The following USP15 variants were observed in gnomAD, a reference collection of about 807,000 sequenced individuals.
USP15 encodes the protein ubiquitin carboxyl-terminal hydrolase 15.
Under a neutral mutation model 127.1 loss-of-function variants are expected in USP15, and 18 were observed. That is an observed-to-expected ratio of 0.14 (90% CI 0.10 to 0.21). USP15 has a LOEUF of 0.21. Among genes scored for constraint, USP15 ranks in the 10% least tolerant of loss-of-function variants. The pLI, the probability that USP15 is intolerant of heterozygous loss-of-function variation, is 1.00. For missense variants in USP15, 805 were observed against 1,159.9 expected, an observed-to-expected ratio of 0.69 and a Z score of 4.44; for synonymous variants, 364 against 393.7, an observed-to-expected ratio of 0.92 and a Z score of 0.89.
rs1483643723 is a variant in USP15, at chr12:62,389,966, A to G, written c.1822A>G (p.Asn608Asp). 1 of 1,610,068 alleles carries G rather than the reference A, an allele frequency of 6.2e-7. No individual in the cohort carries two copies. The highest frequency in any genetic ancestry group is 1.7e-5 in the Admixed American group (1 of 59,342). ...PRNNTEDKLY[N>D]LLLLRMCRYV... Reference sequence around the variant, plus strand: ...AAACAATACTGAAGACAAACTTTATAATCTCCTGCTCTTGAGAATGTGGTA... The same window carrying G: ...AAACAATACTGAAGACAAACTTTATGATCTCCTGCTCTTGAGAATGTGGTA... The change falls in exon 14 of 22, where the codon AAT (asparagine) becomes GAT (aspartate). Residue 608 changes from asparagine to aspartate, a missense_variant. Coordinates refer to ENST00000280377, the MANE Select transcript of USP15 (RefSeq NM_001252078.2).
At chr12:62,369,518 G>A (rs576505965) in intron 8 of USP15, among the ~76,000 whole-genome samples, 3 of 150,668 alleles carry the variant, frequency 2.0e-5, no homozygotes, top group East Asian at 2.0e-4. Flanking sequence ...GCCAGCTGTC[G>A]ATGCTTTTTC....
chr12:62,314,947 C>A, intron 4 of USP15, 31 bp downstream of exon 4: 1 of 1,516,786 alleles, frequency 6.6e-7, no homozygotes, highest in Non-Finnish European at 8.8e-7. Context: ...GTTTTTAATC[C>A]ATTGCTATTA....
intron 6 of USP15, among the ~76,000 whole-genome samples, chr12:62,342,645 A>G (rs554334085): frequency 6.6e-6 from 1 of 151,980 alleles, no homozygotes; most frequent in South Asian, 2.1e-4. Context: ...TTTTCTTCTA[A>G]CAGTCGGGCC....
At chr12:62,274,143 G>C (rs924689325) in intron 1 of USP15, 2 of 151,990 alleles carry the variant, frequency 1.3e-5, no homozygotes, top group African/African-American at 4.8e-5. Flanking sequence ...TACCCACCGA[G>C]TAGTGTTACA....
At position 62,286,319 on chromosome 12, in the gene USP15, C is replaced by G. The variant is rs371858516; in HGVS notation, c.90-7860C>G. On this transcript the variant is annotated intron_variant, in intron 1 of 21. Transcript: ENST00000280377. The stretch of plus-strand genomic sequence containing the variant: ...ATAATCAGAGAAATACAAATCAAAA[C>G]CACAGTAAGATACCATCTCACACCA... Among the ~76,000 whole-genome samples the G allele has an allele frequency of 2.6e-5, 4 of 151,984 alleles. No homozygotes were observed. In the East Asian group the frequency reaches 7.7e-4, roughly 29 times the overall value.
intron 2 of USP15, among the ~76,000 whole-genome samples, chr12:62,297,329 T>C (rs2064160610): frequency 6.6e-6 from 1 of 152,126 alleles, no homozygotes; most frequent in Admixed American, 6.5e-5. Context: ...TTCCAGTCTT[T>C]CAGGGTACTG....
intron 6 of USP15, 93 bp from the exon 7 acceptor site, chr12:62,349,128 T>A (rs1470973304): frequency 1.4e-6 from 1 of 723,708 alleles, no homozygotes; most frequent in African/African-American, 1.8e-5. Context: ...AGCATTCATT[T>A]ACTACAAACA....
At chr12:62,326,588 C>T (rs1165703880) in intron 6 of USP15, among the ~76,000 whole-genome samples, 2 of 152,024 alleles carry the variant, frequency 1.3e-5, no homozygotes, top group Non-Finnish European at 2.9e-5. Context: ...ATTTTTTCAG[C>T]AAATATTCAC....
chr12:62,291,456 T>C (rs1307360090), intron 1 of USP15, among the ~76,000 whole-genome samples: 3 of 152,218 alleles, frequency 2.0e-5, no homozygotes, highest in Non-Finnish European at 4.4e-5. Context: ...TTTCACATTT[T>C]CCATGAATCT....
chr12:62,344,768 C>T (rs1231285407), intron 6 of USP15, among the ~76,000 whole-genome samples: 1 of 152,208 alleles, frequency 6.6e-6, no homozygotes, highest in Non-Finnish European at 1.5e-5. Context: ...CAATTCTTGA[C>T]TTCTGTACAC....
At chr12:62,275,661 G>T (rs1355901710) in intron 1 of USP15, among the ~76,000 whole-genome samples, 10 of 152,078 alleles carry the variant, frequency 6.6e-5, no homozygotes, top group Admixed American at 6.6e-4. Context: ...CTTAATCCCT[G>T]TTGAAATGCT....
chr12:62,378,075 T>G (rs1234589631), intron 8 of USP15, among the ~76,000 whole-genome samples: 1 of 151,762 alleles, frequency 6.6e-6, no homozygotes, highest in Non-Finnish European at 1.5e-5. Context: ...GGTGCGGTGG[T>G]GGGCGCCTAT....
At chr12:62,309,596 A>G (rs1234671943) in intron 3 of USP15, among the ~76,000 whole-genome samples, 1 of 152,052 alleles carries the variant, frequency 6.6e-6, no homozygotes, top group Non-Finnish European at 1.5e-5. Context: ...CCTGAAGGAC[A>G]TTACAAGAAA....
intron 8 of USP15, among the ~76,000 whole-genome samples, chr12:62,377,130 TA>T (rs1565898198): frequency 6.6e-6 from 1 of 152,168 alleles, no homozygotes; most frequent in Non-Finnish European, 1.5e-5. Context: ...ATTCAATGTA[TA>T]ATAATCACAT....
At chr12:62,340,890 C>A (rs547766072) in intron 6 of USP15, among the ~76,000 whole-genome samples, 1 of 152,132 alleles carries the variant, frequency 6.6e-6, no homozygotes, top group Non-Finnish European at 1.5e-5. Flanking sequence ...TCTGTGAGGT[C>A]CACTTGATCC....
At chr12:62,356,081 A>G (rs1441603209) in intron 8 of USP15, among the ~76,000 whole-genome samples, 2 of 151,438 alleles carry the variant, frequency 1.3e-5, no homozygotes, top group African/African-American at 4.8e-5. Context: ...ATTTTTTAAT[A>G]TCACTGTTAC....
chr12:62,262,764 A>C (rs1021316046), intron 1 of USP15, among the ~76,000 whole-genome samples: 49 of 152,266 alleles, frequency 3.2e-4, no homozygotes, highest in African/African-American at 1.0e-3. Context: ...AGCCTCCCAA[A>C]ATGCTAGTAT....
At chr12:62,381,767 G>A in intron 9 of USP15, 104 bp downstream of exon 9, 1 of 1,175,738 alleles carries the variant, frequency 8.5e-7, no homozygotes, top group Non-Finnish European at 1.2e-6. Context: ...AATGGTTTGT[G>A]GCCCTCCAAA....
rs537948883 is a variant in USP15, at chr12:62,410,632, C to T, written c.*6257C>T. 6.6e-5 allele frequency: 10 copies of T among 152,236 alleles called. No homozygotes were observed. The highest frequency in any genetic ancestry group is 1.2e-4 in the Non-Finnish European group (8 of 68,008). The allele number at this position is 152,236 out of a possible 1,614,324, so 9.4% of individuals were successfully genotyped here. A position where few individuals can be genotyped will look rare whatever the true frequency, so the allele number is the denominator to read the frequency against. On this transcript the variant is annotated 3_prime_UTR_variant, in exon 22 of 22. Coordinates refer to ENST00000280377, the MANE Select transcript of USP15 (RefSeq NM_001252078.2). ...TATGGTAGGAAACATTCTACACTTA[C>T]AACAACTTCCACCATAGCTAGCTCC... is the stretch of plus-strand genomic sequence containing the variant.
Sources: gnomAD v4.1 joint callset for allele counts (sites outside exome capture counted in the v4.1 genomes callset) on GRCh38, gnomAD v4.1.1 for gene constraint, MANE v1.5 for transcripts, NCBI Gene and HGNC (gene_info 2026-07-23, HGNC 2026-07-21) for gene names.